Variants in CELF2 observed in about 807,000 individuals in gnomAD.
The protein encoded by CELF2 is CUGBP Elav-like family member 2.
In CELF2, 8 loss-of-function variants were observed where a neutral mutation model predicts 62.6. That is an observed-to-expected ratio of 0.13 (90% CI 0.07 to 0.23). The LOEUF (loss-of-function observed/expected upper bound fraction) is 0.23. Among genes scored for constraint, CELF2 ranks in the 10% least tolerant of loss-of-function variants. The pLI, the probability that CELF2 is intolerant of heterozygous loss-of-function variation, is 1.00. For missense variants in CELF2, 333 were observed against 671.0 expected, an observed-to-expected ratio of 0.50 and a Z score of 5.56; for synonymous variants, 258 against 250.0, an observed-to-expected ratio of 1.03 and a Z score of -0.30.
Position 11,244,437 on chromosome 10 carries a change from A to G in CELF2, c.355-4716A>G, listed in dbSNP as rs915598573. 6.6e-6 allele frequency among the ~76,000 whole-genome samples: 1 copy of G among 152,144 alleles called. No homozygotes were observed. The highest frequency in any genetic ancestry group is 1.5e-5 in the Non-Finnish European group (1 of 68,024). On this transcript the variant is annotated intron_variant, in intron 3 of 12. Coordinates refer to ENST00000633077, the MANE Select transcript of CELF2 (RefSeq NM_001326342.2). This position sits in a 1 kb window ranked among gnomAD's most constrained non-coding sequence, Gnocchi z 4.2. ...GGGAGGCCGAGGTGGGTGGATCCCA[A>G]GGTCAGGAGATCGAGACCATCGTGG...
rs1266256241 is a variant in CELF2 at position 11,331,628 on chromosome 10, A to T, written c.*2575A>T. ...TTAAAAAAAAAAACAAAACAAAAAA[A>T]GGTTACAAAGTTTGTTAACTTGCTA... is the stretch of plus-strand genomic sequence containing the variant. On this transcript the variant is annotated 3_prime_UTR_variant, in exon 13 of 13. Transcript: ENST00000633077. The T allele has an allele frequency of 6.6e-6, 1 of 152,282 alleles. No individual in the cohort carries two copies. Among genetic ancestry groups the T allele is most frequent in the African/African-American group, 2.4e-5 (1 of 41,412 alleles). The allele number at this position is 152,282 out of a possible 1,614,324, so 9.4% of individuals were successfully genotyped here.
At chr10:11,095,716 C>A (rs796238938) in intron 1 of CELF2, among the ~76,000 whole-genome samples, 25 of 152,252 alleles carry the variant, frequency 1.6e-4, no homozygotes, top group African/African-American at 6.0e-4. Context: ...GTGATGGAGG[C>A]AGGCACGCAG....
At chr10:11,278,380 T>C (rs1345939806) in intron 8 of CELF2, among the ~76,000 whole-genome samples, 1 of 152,230 alleles carries the variant, frequency 6.6e-6, no homozygotes, top group Non-Finnish European at 1.5e-5. Flanking sequence ...TGGTTGGTTT[T>C]TATTTTCCCT....
chr10:11,186,805 C>T (rs979698854), intron 2 of CELF2, among the ~76,000 whole-genome samples: 39 of 152,138 alleles, frequency 2.6e-4, no homozygotes, highest in Non-Finnish European at 3.2e-4. Context: ...AATACATTTA[C>T]GGGCCCAGGC....
chr10:10,871,892 G>A (rs1422023243), intron 1 of CELF2, among the ~76,000 whole-genome samples: 11 of 152,072 alleles, frequency 7.2e-5, no homozygotes, highest in Non-Finnish European at 1.6e-4. Context: ...GTATTCTCAG[G>A]TCCCTAAGTC....
the CELF2 span, chr10:10,776,732 G>A: frequency 8.9e-4 from 138 of 154,310 alleles, no homozygotes; most frequent in East Asian, 8.3e-3. Flanking sequence ...AGCTCCCATC[G>A]CCTCATGCCC....
At chr10:10,538,212 A>T in the CELF2 span, among the ~76,000 whole-genome samples, 5 of 152,100 alleles carry the variant, frequency 3.3e-5, no homozygotes, top group African/African-American at 1.2e-4. Context: ...CCATTTGCCA[A>T]GTTGGAAGAT....
At chr10:10,617,336 T>C in the CELF2 span, among the ~76,000 whole-genome samples, 1 of 152,154 alleles carries the variant, frequency 6.6e-6, no homozygotes, top group Non-Finnish European at 1.5e-5. Flanking sequence ...TACCACATTG[T>C]GAACCCCATT....
the CELF2 span, among the ~76,000 whole-genome samples, chr10:10,528,394 T>C: frequency 6.6e-6 from 1 of 152,198 alleles, no homozygotes; most frequent in African/African-American, 2.4e-5. Context: ...GCTGTTGACA[T>C]TTAATGCTAT....
At chr10:10,799,191 G>A (rs757096958) in intron 1 of CELF2, among the ~76,000 whole-genome samples, 38 of 152,262 alleles carry the variant, frequency 2.5e-4, no homozygotes, top group Admixed American at 6.5e-4. Flanking sequence ...ATAGAAGAGC[G>A]AAATTTGGCC....
At chr10:11,189,897 T>A (rs905620839) in intron 2 of CELF2, among the ~76,000 whole-genome samples, 1 of 152,216 alleles carries the variant, frequency 6.6e-6, no homozygotes, top group African/African-American at 2.4e-5. Context: ...TAAACCATTC[T>A]GTTCTTTCTC....
chr10:10,985,525 C>T (rs1380729050), intron 2 of CELF2, among the ~76,000 whole-genome samples: 1 of 152,164 alleles, frequency 6.6e-6, no homozygotes, highest in African/African-American at 2.4e-5. Flanking sequence ...GACCACAAAG[C>T]ACACATTGTC....
chr10:10,709,022 T>TA, the CELF2 span, among the ~76,000 whole-genome samples: 3 of 152,206 alleles, frequency 2.0e-5, no homozygotes, highest in Non-Finnish European at 4.4e-5. Context: ...TGCAAGGTGT[T>TA]ACGTATGCAA....
rs755910221 is a variant in CELF2 at position 11,321,320 on chromosome 10, G to T, written c.1228G>T (p.Ala410Ser). ...AGGAATTCAACAGTACGCAGCCGCC[G>T]CGCTGCCCACTCTGTACAGCCAGAG... is the stretch of plus-strand genomic sequence containing the variant. ...YSGIQQYAAA[A>S]LPTLYSQSLL... The change falls in exon 11 of 13, where the codon GCG becomes TCG. Residue 410 changes from alanine to serine, a missense_variant. Coordinates refer to ENST00000633077, the MANE Select transcript of CELF2 (RefSeq NM_001326342.2). This position sits in a 1 kb window ranked among gnomAD's most constrained non-coding sequence, Gnocchi z 6.2. 6.2e-7 allele frequency: 1 copy of T among 1,612,620 alleles called. No individual in the cohort carries two copies. The highest frequency in any genetic ancestry group is 8.5e-7 in the Non-Finnish European group (1 of 1,179,998).
In CELF2 at chr10:11,269,763, C is replaced by T. The variant is rs1236117044; in HGVS notation, c.619-903C>T. 2.6e-5 allele frequency among the ~76,000 whole-genome samples: 4 copies of T among 152,058 alleles called. No homozygotes were observed. The highest frequency in any genetic ancestry group is 4.8e-5 in the African/African-American group (2 of 41,384). On this transcript the variant is annotated intron_variant, in intron 6 of 12. Transcript: ENST00000633077. The surrounding 1 kb of genome is among the most constrained non-coding windows in gnomAD (Gnocchi z 4.4). ...GGTCTTCGTGCTTGGGGTGTTAGGC[C>T]CTTATTATCCCTGATGATTTTATCT... is the stretch of plus-strand genomic sequence containing the variant.
chr10:10,580,406 G>A, the CELF2 span, among the ~76,000 whole-genome samples: 1 of 152,068 alleles, frequency 6.6e-6, no homozygotes, highest in East Asian at 1.9e-4. Context: ...TTCTTCCATA[G>A]ATTGACCCAG....
intron 1 of CELF2, among the ~76,000 whole-genome samples, chr10:10,855,594 A>G (rs1298692269): frequency 6.6e-6 from 1 of 152,264 alleles, no homozygotes; most frequent in Non-Finnish European, 1.5e-5. Flanking sequence ...TGTTTCTGAC[A>G]TAACAAAGAA....
intron 1 of CELF2, among the ~76,000 whole-genome samples, chr10:11,079,283 C>T (rs1276501743): frequency 6.6e-6 from 1 of 152,116 alleles, no homozygotes; most frequent in Non-Finnish European, 1.5e-5. Flanking sequence ...TCTAAAATAG[C>T]TTTATGTTCC....
At chr10:10,688,495 G>A in the CELF2 span, among the ~76,000 whole-genome samples, 6 of 152,258 alleles carry the variant, frequency 3.9e-5, no homozygotes, top group East Asian at 9.6e-4. Context: ...AAGTATCATT[G>A]TGCCACAACA....
Sources: allele counts gnomAD v4.1 joint callset (sites outside exome capture counted in the v4.1 genomes callset), GRCh38; gene constraint gnomAD v4.1.1; non-coding constraint Gnocchi (gnomAD v3.1); transcripts MANE v1.5; gene names NCBI Gene and HGNC (gene_info 2026-07-23, HGNC 2026-07-21).